The following METTL15 variants were observed in gnomAD, a reference collection of about 807,000 sequenced individuals.
METTL15 encodes the protein methyltransferase 15, mitochondrial 12S rRNA N4-cytidine, also known as 12S rRNA N(4)-cytidine methyltransferase METTL15.
A neutral mutation model predicts 38.3 loss-of-function variants in METTL15; 34 were observed. The observed-to-expected ratio is 0.89, with a 90% CI of 0.68 to 1.18. The LOEUF is 1.18. Among genes scored for constraint, METTL15 ranks in the 50% most tolerant of loss-of-function variants. METTL15 has a pLI of 0.00. For missense variants in METTL15, 438 were observed against 498.4 expected (o/e 0.88, Z 1.15); for synonymous variants, 162 against 170.9 (o/e 0.95, Z 0.41).
chr11:28,399,301 AG>A lies in METTL15; in HGVS notation c.*359-24997del. Among the ~76,000 whole-genome samples the A allele has an allele frequency of 2.0e-5, 3 of 152,134 alleles. No homozygotes were observed. In the Middle Eastern group the frequency reaches 0.01, roughly 517 times the overall value. On this transcript the variant is annotated intron_variant and NMD_transcript_variant, in intron 5 of 7. Coordinates refer to the METTL15 transcript ENST00000532947. ...TACACCTTACACAAAAATTAACTCA[AG>A]ATGGATTAAAGGCTTAAATGTAAGA... is the stretch of plus-strand genomic sequence containing the variant.
At chr11:28,456,750 T>G (rs1420027162) in intron 6 of METTL15, among the ~76,000 whole-genome samples, 4 of 152,108 alleles carry the variant, frequency 2.6e-5, no homozygotes, top group African/African-American at 7.2e-5. Context: ...ACAGCCCCCA[T>G]GTTTTAAGAA....
At chr11:28,370,742 G>A (rs1050538870) in intron 5 of METTL15, among the ~76,000 whole-genome samples, 1 of 151,782 alleles carries the variant, frequency 6.6e-6, no homozygotes, top group Non-Finnish European at 1.5e-5. Context: ...TTTTATAGAA[G>A]CTGTTTTAAC....
chr11:28,479,507 CATACTCTTAT>C (rs1425165373), intron 6 of METTL15, among the ~76,000 whole-genome samples: 1 of 152,104 alleles, frequency 6.6e-6, no homozygotes, highest in Non-Finnish European at 1.5e-5. Flanking sequence ...TATTCCAAGT[CATACTCTTAT>C]ATTCTTGAAC....
At chr11:28,126,873 G>A (rs914541612) in intron 3 of METTL15, among the ~76,000 whole-genome samples, 3 of 152,040 alleles carry the variant, frequency 2.0e-5, no homozygotes, top group Non-Finnish European at 4.4e-5. Context: ...TTAGATCTCC[G>A]AACAGGAGGA....
chr11:28,297,008 C>T (rs746282438), intron 6 of METTL15, 77 bp downstream of exon 6: 75 of 1,388,066 alleles, frequency 5.4e-5, no homozygotes, highest in Middle Eastern at 1.8e-4. Context: ...TGTGCATGCA[C>T]GCATGCACAT....
chr11:28,202,978 T>TAA (rs34478028), intron 3 of METTL15, among the ~76,000 whole-genome samples: 8 of 151,308 alleles, frequency 5.3e-5, no homozygotes, highest in Non-Finnish European at 1.2e-4. Context: ...ATGATTGGAT[T>TAA]AAAAAAAAAT....
At chr11:28,216,911 A>G (rs1466228088) in intron 4 of METTL15, among the ~76,000 whole-genome samples, 1 of 151,554 alleles carries the variant, frequency 6.6e-6, no homozygotes, top group East Asian at 1.9e-4. Context: ...TTATGGCTGC[A>G]TAGTATTCCA....
intron 4 of METTL15, among the ~76,000 whole-genome samples, chr11:28,276,404 A>G (rs973546447): frequency 2.6e-5 from 4 of 152,128 alleles, no homozygotes; most frequent in Non-Finnish European, 4.4e-5. Flanking sequence ...AAAGATCTCT[A>G]TAAGAAAAAC....
intron 5 of METTL15, among the ~76,000 whole-genome samples, chr11:28,421,464 T>C (rs1042516925): frequency 2.6e-5 from 4 of 151,962 alleles, no homozygotes; most frequent in African/African-American, 9.7e-5. Flanking sequence ...TCGTCAACAG[T>C]ATACAAGCAA....
chr11:28,427,575 T>C (rs183713702), intron 6 of METTL15, among the ~76,000 whole-genome samples: 1 of 152,204 alleles, frequency 6.6e-6, no homozygotes, highest in African/African-American at 2.4e-5. Flanking sequence ...GCATGGAATG[T>C]TTTTCCATTT....
At position 28,435,496 on chromosome 11, in the gene METTL15, A is replaced by G. The variant is rs115040201; in HGVS notation, c.*424+11132A>G. ...GCTTTCTGGGAATGCTCCTCAGTCTATTGTTCTCCATGGCTCTTGGCATGT... is the reference window on the plus strand; with the variant it reads ...GCTTTCTGGGAATGCTCCTCAGTCTGTTGTTCTCCATGGCTCTTGGCATGT... On this transcript the variant is annotated intron_variant and NMD_transcript_variant, in intron 6 of 7. Coordinates refer to the METTL15 transcript ENST00000532947. Among the ~76,000 whole-genome samples, 140 of 152,172 alleles carry G rather than the reference A, an allele frequency of 9.2e-4. 1 individual carries two copies. The highest frequency in any genetic ancestry group is 2.9e-3 in the East Asian group (15 of 5,166).
intron 5 of METTL15, among the ~76,000 whole-genome samples, chr11:28,390,550 G>GT (rs1850493057): frequency 1.3e-5 from 2 of 152,086 alleles, no homozygotes; most frequent in Non-Finnish European, 2.9e-5. Context: ...GATATGTAGT[G>GT]TTATTTCTGA....
At chr11:28,405,233 G>A (rs1261055890) in intron 5 of METTL15, among the ~76,000 whole-genome samples, 1 of 152,108 alleles carries the variant, frequency 6.6e-6, no homozygotes, top group Non-Finnish European at 1.5e-5. Context: ...ATGAGATTAA[G>A]TTCACAGTCT....
chr11:28,384,358 G>T (rs530119271), intron 5 of METTL15, among the ~76,000 whole-genome samples: 1 of 151,796 alleles, frequency 6.6e-6, no homozygotes, highest in South Asian at 2.1e-4. Flanking sequence ...ACCCAAGCTG[G>T]AGTGCAGTGG....
intron 4 of METTL15, among the ~76,000 whole-genome samples, chr11:28,235,234 T>A (rs1308736171): frequency 6.6e-6 from 1 of 151,950 alleles, no homozygotes; most frequent in Non-Finnish European, 1.5e-5. Flanking sequence ...TGAAGTCAGG[T>A]AGCGTGATGC....
At chr11:28,259,456 G>A (rs1855109733) in intron 4 of METTL15, among the ~76,000 whole-genome samples, 1 of 152,146 alleles carries the variant, frequency 6.6e-6, no homozygotes, top group South Asian at 2.1e-4. Flanking sequence ...ACATGCCTGG[G>A]AGTTGCAGTC....
At chr11:28,373,969 T>C (rs1850275686) in intron 5 of METTL15, among the ~76,000 whole-genome samples, 1 of 152,104 alleles carries the variant, frequency 6.6e-6, no homozygotes, top group South Asian at 2.1e-4. Flanking sequence ...AAAGATCAGA[T>C]AGTTGTAGTT....
intron 4 of METTL15, among the ~76,000 whole-genome samples, chr11:28,217,834 G>C (rs1033577448): frequency 6.6e-6 from 1 of 152,044 alleles, no homozygotes; most frequent in Non-Finnish European, 1.5e-5. Flanking sequence ...TCCATTTCTT[G>C]TTTTTGTCAG....
At chr11:28,159,791 T>C (rs1341188687) in intron 3 of METTL15, among the ~76,000 whole-genome samples, 1 of 152,188 alleles carries the variant, frequency 6.6e-6, no homozygotes, top group East Asian at 1.9e-4. Flanking sequence ...ATAGTTGTAT[T>C]ATGTTAGGCA....
Sources: gnomAD v4.1 joint callset for allele counts (sites outside exome capture counted in the v4.1 genomes callset) on GRCh38, gnomAD v4.1.1 for gene constraint, MANE v1.5 for transcripts, NCBI Gene and HGNC (gene_info 2026-07-23, HGNC 2026-07-21) for gene names.